Variants in FRMD4B observed in about 807,000 individuals in gnomAD.
The protein encoded by FRMD4B is FERM domain containing 4B.
A neutral mutation model predicts 141.5 loss-of-function variants in FRMD4B; 74 were observed. That is an observed-to-expected ratio of 0.52 (90% CI 0.43 to 0.63). The LOEUF is 0.63. Among genes scored for constraint, FRMD4B ranks in the 30% least tolerant of loss-of-function variants. The probability of loss-of-function intolerance (pLI) is 0.00; values close to 1 mark genes in which losing one functional copy is unlikely to be tolerated. For synonymous variants in FRMD4B, 506 were observed against 467.9 expected (o/e 1.08, Z -1.05); for missense variants, 1,366 against 1,253.4 (o/e 1.09, Z -1.36).
intron 1 of FRMD4B, among the ~76,000 whole-genome samples, chr3:69,490,991 CCG>C (rs1352722608): frequency 6.6e-6 from 1 of 152,138 alleles, no homozygotes; most frequent in African/African-American, 2.4e-5. Context: ...AAACCTCTCC[CCG>C]AGAGACTGAT....
At chr3:69,236,036 C>A (rs59192683) in intron 7 of FRMD4B, among the ~76,000 whole-genome samples, 6 of 152,140 alleles carry the variant, frequency 3.9e-5, no homozygotes, top group Admixed American at 3.3e-4. Flanking sequence ...TGATGACAGT[C>A]TGCGTTTTTA....
chr3:69,470,889 A>G (rs952459280), intron 1 of FRMD4B, among the ~76,000 whole-genome samples: 1 of 152,240 alleles, frequency 6.6e-6, no homozygotes, highest in African/African-American at 2.4e-5. Context: ...AGGCTAAATA[A>G]GTAGTAGTAA....
Position 69,176,620 on chromosome 3 carries a change from T to C in FRMD4B, c.2888A>G (p.Gln963Arg). 3.1e-6 allele frequency: 5 copies of C among 1,605,792 alleles called. No individual in the cohort carries two copies. The highest frequency in any genetic ancestry group is 2.2e-5 in the East Asian group (1 of 44,838). Residue 963 changes from glutamine to arginine, a missense_variant, in exon 22 of 23, where the codon CAG becomes CGG. Physicochemically the swap from Gln to Arg is conservative, Grantham distance 43. Coordinates refer to ENST00000398540, the MANE Select transcript of FRMD4B (RefSeq NM_015123.3). ...STNASGNWRT[Q>R]LTIGLSDYET... Reference sequence around the variant, plus strand: ...GTAATCCGACAGCCCTATGGTTAACTGGGTCCTCCAGTTCCCAGAAGCATT... The same window carrying C: ...GTAATCCGACAGCCCTATGGTTAACCGGGTCCTCCAGTTCCCAGAAGCATT...
intron 2 of FRMD4B, among the ~76,000 whole-genome samples, chr3:69,416,424 G>T (rs79675391): frequency 0.012 from 1,818 of 152,306 alleles, 28 homozygotes; most frequent in East Asian, 0.058. Context: ...GGGGCTACAG[G>T]TGTGTGCCAC....
chr3:69,338,362 C>T (rs545864664), intron 1 of FRMD4B, among the ~76,000 whole-genome samples: 46 of 152,008 alleles, frequency 3.0e-4, no homozygotes, highest in African/African-American at 1.0e-3. Context: ...TGTTAAATGA[C>T]GAGTTAATGG....
intron 7 of FRMD4B, among the ~76,000 whole-genome samples, chr3:69,247,839 C>T (rs2093434956): frequency 6.6e-6 from 1 of 152,324 alleles, no homozygotes; most frequent in East Asian, 1.9e-4. Context: ...TTAATAGAGA[C>T]AGGGTTTCAC....
chr3:69,212,261 G>A (rs1209082005), intron 11 of FRMD4B, among the ~76,000 whole-genome samples: 3 of 144,440 alleles, frequency 2.1e-5, no homozygotes, highest in Admixed American at 7.2e-5. Flanking sequence ...TCGGGAGGCT[G>A]AGGTAGGAGA....
At chr3:69,425,194 A>C (rs1029781560) in intron 2 of FRMD4B, among the ~76,000 whole-genome samples, 2 of 152,186 alleles carry the variant, frequency 1.3e-5, no homozygotes, top group Admixed American at 6.5e-5. Context: ...TATTAGCGTC[A>C]CCTCCTTCTT....
chr3:69,218,425 G>T (rs1232317154), intron 9 of FRMD4B, 46 bp from the exon 10 acceptor site: 5 of 849,072 alleles, frequency 5.9e-6, no homozygotes, highest in Non-Finnish European at 9.5e-6. Flanking sequence ...AATAGTTAGA[G>T]GACCCTTTTG....
intron 11 of FRMD4B, among the ~76,000 whole-genome samples, chr3:69,205,488 C>T (rs572026323): frequency 6.6e-6 from 1 of 152,242 alleles, no homozygotes; most frequent in African/African-American, 2.4e-5. Flanking sequence ...GGATTATAGG[C>T]ATGAGCCACC....
intron 2 of FRMD4B, among the ~76,000 whole-genome samples, chr3:69,420,289 T>TAA (rs1254779195): frequency 4.1e-3 from 165 of 39,830 alleles, no homozygotes; most frequent in Admixed American, 0.013. Flanking sequence ...AAAAGGGATA[T>TAA]CAAAAAAAAA....
chr3:69,509,997 CAT>C (rs1222345831), intron 1 of FRMD4B, among the ~76,000 whole-genome samples: 3 of 151,162 alleles, frequency 2.0e-5, no homozygotes, highest in African/African-American at 7.3e-5. Flanking sequence ...ATCAAAAAAT[CAT>C]GTGACGTGCT....
intron 1 of FRMD4B, among the ~76,000 whole-genome samples, chr3:69,314,484 C>T (rs917245784): frequency 4.7e-5 from 7 of 150,518 alleles, no homozygotes; most frequent in African/African-American, 1.7e-4. Context: ...GTTGAGATCA[C>T]ACCACTACAC....
intron 3 of FRMD4B, among the ~76,000 whole-genome samples, chr3:69,309,304 A>ATTT (rs11388064): frequency 1.5e-4 from 21 of 136,748 alleles, no homozygotes; most frequent in African/African-American, 3.0e-4. Flanking sequence ...CTGATTTTTA[A>ATTT]TTTTTTTTTT....
intron 5 of FRMD4B, among the ~76,000 whole-genome samples, chr3:69,255,531 C>T (rs2093487159): frequency 1.3e-5 from 2 of 151,536 alleles, no homozygotes; most frequent in African/African-American, 4.9e-5. Context: ...GGTGACAAAG[C>T]AAGACCCCAT....
chr3:69,481,197 C>A (rs373043521), intron 1 of FRMD4B, among the ~76,000 whole-genome samples: 2 of 152,068 alleles, frequency 1.3e-5, no homozygotes, highest in Non-Finnish European at 2.9e-5. Flanking sequence ...CTTCAGCTTG[C>A]GCACGGTGTG....
chr3:69,474,707 G>C (rs960642929), intron 1 of FRMD4B, among the ~76,000 whole-genome samples: 1 of 152,106 alleles, frequency 6.6e-6, no homozygotes, highest in African/African-American at 2.4e-5. Flanking sequence ...GATCTTGTGT[G>C]CTATTACTCA....
chr3:69,185,443 T>A (rs2092756006), intron 19 of FRMD4B, among the ~76,000 whole-genome samples: 1 of 152,216 alleles, frequency 6.6e-6, no homozygotes, highest in African/African-American at 2.4e-5. Context: ...TAAATTTTTT[T>A]AATTTATATT....
intron 1 of FRMD4B, among the ~76,000 whole-genome samples, chr3:69,323,644 A>T (rs1702090722): frequency 1.1e-5 from 1 of 93,960 alleles, no homozygotes; most frequent in Admixed American, 1.2e-4. Flanking sequence ...ATATATATAT[A>T]TATATATATG....
Sources: allele counts gnomAD v4.1 joint callset (sites outside exome capture counted in the v4.1 genomes callset), GRCh38; gene constraint gnomAD v4.1.1; transcripts MANE v1.5; gene names NCBI Gene and HGNC (gene_info 2026-07-23, HGNC 2026-07-21).